PHACTR1: variants seen among roughly 807,000 people sequenced by gnomAD.
The protein encoded by PHACTR1 is phosphatase and actin regulator 1, also known as RPEL repeat containing 1.
A neutral mutation model predicts 69.2 loss-of-function variants in PHACTR1; 16 were observed. The observed-to-expected ratio is 0.23, with a 90% CI of 0.16 to 0.35. The LOEUF (loss-of-function observed/expected upper bound fraction) is 0.35, where lower values mean the gene tolerates loss of function less well. Ranked by LOEUF, PHACTR1 falls within the 10% of genes least tolerant of loss-of-function variation. The pLI is 1.00. For missense variants in PHACTR1, 510 were observed against 734.7 expected (o/e 0.69, Z 3.54); for synonymous variants, 312 against 284.5 (o/e 1.10, Z -0.97).
intron 4 of PHACTR1, among the ~76,000 whole-genome samples, chr6:12,793,224 T>C (rs959292757): frequency 7.2e-5 from 11 of 152,264 alleles, no homozygotes; most frequent in Non-Finnish European, 1.2e-4. Context: ...GTTTCCCTTA[T>C]GCGAGAGTTG....
chr6:13,089,422 G>T (rs1812850418), intron 5 of PHACTR1, among the ~76,000 whole-genome samples: 1 of 152,110 alleles, frequency 6.6e-6, no homozygotes, highest in South Asian at 2.1e-4. Flanking sequence ...CTTCTTAGGT[G>T]CCTGGCTCAG....
chr6:12,971,783 T>C (rs1794241219), intron 4 of PHACTR1, among the ~76,000 whole-genome samples: 1 of 152,256 alleles, frequency 6.6e-6, no homozygotes, highest in East Asian at 1.9e-4. Context: ...AATTTTATGA[T>C]ATGTAAATTA....
intron 4 of PHACTR1, among the ~76,000 whole-genome samples, chr6:12,767,729 C>T (rs894198107): frequency 2.6e-5 from 4 of 152,140 alleles, no homozygotes; most frequent in African/African-American, 9.7e-5. Flanking sequence ...CTCTCCAGGA[C>T]ATTTTCGGGC....
At chr6:13,087,252 C>T (rs536133299) in intron 5 of PHACTR1, among the ~76,000 whole-genome samples, 12 of 150,094 alleles carry the variant, frequency 8.0e-5, no homozygotes, top group African/African-American at 2.2e-4. Flanking sequence ...TAAAATCATC[C>T]TTCTTTTTAA....
intron 4 of PHACTR1, among the ~76,000 whole-genome samples, chr6:12,889,799 T>C (rs1429725666): frequency 1.1e-5 from 1 of 87,468 alleles, no homozygotes; most frequent in Non-Finnish European, 2.8e-5. Flanking sequence ...CCTTCTTCCT[T>C]TTTTTTTTTT....
chr6:12,846,781 T>C (rs1779322066), intron 4 of PHACTR1, among the ~76,000 whole-genome samples: 1 of 151,992 alleles, frequency 6.6e-6, no homozygotes, highest in African/African-American at 2.4e-5. Flanking sequence ...ACAGTTTATA[T>C]ACCACTTAGC....
At chr6:13,043,775 A>G (rs1051935835) in intron 4 of PHACTR1, among the ~76,000 whole-genome samples, 4 of 152,264 alleles carry the variant, frequency 2.6e-5, no homozygotes, top group African/African-American at 9.6e-5. Context: ...TGCAAGAAGA[A>G]TATCAGACCC....
chr6:13,235,919 A>G (rs930160242), intron 10 of PHACTR1, among the ~76,000 whole-genome samples: 10 of 152,166 alleles, frequency 6.6e-5, no homozygotes, highest in African/African-American at 2.2e-4. Flanking sequence ...AAAGCCTGCA[A>G]AAGAAAAATA....
intron 4 of PHACTR1, among the ~76,000 whole-genome samples, chr6:13,050,573 A>G (rs899498970): frequency 1.1e-4 from 17 of 151,954 alleles, no homozygotes; most frequent in African/African-American, 4.1e-4. Flanking sequence ...TCGATCTCTC[A>G]CTTTCCCCTG....
intron 4 of PHACTR1, among the ~76,000 whole-genome samples, chr6:13,045,263 G>A (rs190759486): frequency 5.9e-4 from 90 of 152,280 alleles, no homozygotes; most frequent in Non-Finnish European, 1.3e-4. Context: ...TCGCTCACAA[G>A]TTTAATTTGA....
chr6:12,945,997 A>AAATG (rs1790629430), intron 4 of PHACTR1, among the ~76,000 whole-genome samples: 1 of 148,856 alleles, frequency 6.7e-6, no homozygotes, highest in Non-Finnish European at 1.5e-5. Flanking sequence ...ATAAATAAAT[A>AAATG]AATGCTAAAG....
At chr6:13,015,140 TG>T (rs1799998222) in intron 4 of PHACTR1, among the ~76,000 whole-genome samples, 1 of 152,252 alleles carries the variant, frequency 6.6e-6, no homozygotes, top group South Asian at 2.1e-4. Flanking sequence ...CTGTTCCTTT[TG>T]GAAGAACAAA....
chr6:13,227,964 G>A lies in PHACTR1; in HGVS notation c.1135G>A (p.Val379Met), dbSNP rs747547720. Residue 379 changes from valine (V) to methionine (M), a missense_variant, in exon 9 of 15, where the codon GTG becomes ATG. Coordinates refer to ENST00000332995, the MANE Select transcript of PHACTR1 (RefSeq NM_030948.6). ...TGAATGTGATGACAATAAAGAAAATGTGCCTCATGAGTCAGACTACGAAGA... is the reference window on the plus strand; with the variant it reads ...TGAATGTGATGACAATAAAGAAAATATGCCTCATGAGTCAGACTACGAAGA... ...VIECDDNKEN[V>M]PHESDYEDSS... 9.3e-6 allele frequency: 15 copies of A among 1,614,014 alleles called. No homozygotes were observed. In the South Asian group the frequency reaches 1.2e-4, roughly 13 times the overall value.
intron 3 of PHACTR1, among the ~76,000 whole-genome samples, chr6:12,721,331 T>TG (rs1343113007): frequency 6.6e-6 from 1 of 150,864 alleles, no homozygotes; most frequent in Non-Finnish European, 1.5e-5. Flanking sequence ...TTGCAGTGAG[T>TG]GGGGGTGGCA....
At chr6:13,228,544 A>G (rs1770208925) in intron 9 of PHACTR1, among the ~76,000 whole-genome samples, 1 of 152,250 alleles carries the variant, frequency 6.6e-6, no homozygotes, top group Admixed American at 6.5e-5. Flanking sequence ...AGAAGAAATG[A>G]AGAAAGCAAA....
At chr6:13,182,387 A>G in intron 6 of PHACTR1, 132 bp from the exon 7 acceptor site, 1 of 1,056,986 alleles carries the variant, frequency 9.5e-7, no homozygotes, top group Non-Finnish European at 1.4e-6. Context: ...CTTAAAAGCA[A>G]AATAACAGAT....
At chr6:12,887,942 G>A (rs528450485) in intron 4 of PHACTR1, among the ~76,000 whole-genome samples, 2 of 151,828 alleles carry the variant, frequency 1.3e-5, no homozygotes, top group East Asian at 1.9e-4. Flanking sequence ...GCATGGTGAT[G>A]GGCACCTGTA....
intron 10 of PHACTR1, among the ~76,000 whole-genome samples, chr6:13,231,096 A>AAGGG (rs1309310388): frequency 4.3e-5 from 4 of 91,988 alleles, no homozygotes; most frequent in Admixed American, 1.2e-4. Context: ...AGAAGGAAGG[A>AAGGG]AGGGAAAAGA....
At chr6:12,856,992 C>CG (rs1283308462) in intron 4 of PHACTR1, among the ~76,000 whole-genome samples, 1 of 152,092 alleles carries the variant, frequency 6.6e-6, no homozygotes, top group Non-Finnish European at 1.5e-5. Context: ...TCTTTTGAAA[C>CG]GGGGGGTTAT....
Sources: gnomAD v4.1 joint callset for allele counts (sites outside exome capture counted in the v4.1 genomes callset) on GRCh38, gnomAD v4.1.1 for gene constraint, MANE v1.5 for transcripts, NCBI Gene and HGNC (gene_info 2026-07-23, HGNC 2026-07-21) for gene names.